The following TET2 variants were observed in gnomAD, a reference collection of about 807,000 sequenced individuals.
TET2 encodes the protein methylcytosine dioxygenase TET2.
A neutral mutation model predicts 142.9 loss-of-function variants in TET2; 299 were observed. The ratio of observed to expected loss-of-function variants is 2.09; its 90% confidence interval spans 1.90 to 2.30. TET2 has a LOEUF of 2.30. TET2 is among the 30% of genes most tolerant of loss of function. TET2 has a pLI of 0.00. For synonymous variants in TET2, 819 were observed against 849.0 expected (o/e 0.96, Z 0.61); for missense variants, 2,418 against 2,378.0 (o/e 1.02, Z -0.35).
chr4:105,251,572 G>C (rs1729871296), intron 6 of TET2, among the ~76,000 whole-genome samples: 1 of 151,990 alleles, frequency 6.6e-6, no homozygotes, highest in African/African-American at 2.4e-5. Flanking sequence ...TTATATTTCT[G>C]GAATAAATCC....
Position 105,236,313 on chromosome 4 carries a change from T to A in TET2, c.2371T>A (p.Tyr791Asn). The A allele has an allele frequency of 1.2e-6, 2 of 1,614,022 alleles. No homozygotes were observed. Among genetic ancestry groups the A allele is most frequent in the Non-Finnish European group, 1.7e-6 (2 of 1,179,998 alleles). Reference protein sequence around the residue: ...VEECFHGENQYSKSSEFETHN... With the variant: ...VEECFHGENQNSKSSEFETHN... ...AGAATGTTTTCATGGTGAAAATCAG[T>A]ATTCAAAATCAAGCGAGTTCGAGAC... Residue 791 changes from tyrosine to asparagine, a missense_variant, in exon 3 of 11, where the codon TAT becomes AAT. Physicochemically the swap from Tyr to Asn is moderately radical, Grantham distance 143. Transcript: ENST00000380013.
Position 105,234,419 on chromosome 4 carries a change from A to C in TET2, c.477A>C (p.Ala159=). The change falls in exon 3 of 11, where the codon GCA becomes GCC. Residue 159 remains alanine (A), a synonymous_variant. Coordinates refer to ENST00000380013, the MANE Select transcript of TET2 (RefSeq NM_001127208.3). The stretch of plus-strand genomic sequence containing the variant: ...TGAGTTCTGTAGCCCAAGAAAATGC[A>C]GTTAAAGATTTCACCAGTTTTTCAA... ...ESVSSVAQEN[A]VKDFTSFSTH... is the part of the protein sequence containing the mutation. 1 of 1,614,038 alleles carries C rather than the reference A, an allele frequency of 6.2e-7. No homozygotes were observed. Among genetic ancestry groups the C allele is most frequent in the Non-Finnish European group, 8.5e-7 (1 of 1,180,010 alleles).
intron 2 of TET2, among the ~76,000 whole-genome samples, chr4:105,198,036 A>T (rs1023665100): frequency 1.3e-5 from 2 of 152,174 alleles, no homozygotes; most frequent in African/African-American, 2.4e-5. Flanking sequence ...CATAGTAAGT[A>T]TTTAATAAAT....
chr4:105,247,720 T>C (rs1355188508), intron 6 of TET2, among the ~76,000 whole-genome samples: 5 of 133,648 alleles, frequency 3.7e-5, no homozygotes, highest in South Asian at 5.2e-4. Context: ...TTTTCTTTTT[T>C]TTTTTTTTTT....
chr4:105,163,761 A>T (rs117317929), intron 1 of TET2, among the ~76,000 whole-genome samples: 1 of 151,426 alleles, frequency 6.6e-6, no homozygotes, highest in East Asian at 2.0e-4. Flanking sequence ...ACTCTTAAAC[A>T]GTTGGATGCC....
At chr4:105,246,906 G>GT (rs1248546076) in intron 6 of TET2, among the ~76,000 whole-genome samples, 1 of 152,150 alleles carries the variant, frequency 6.6e-6, no homozygotes, top group Non-Finnish European at 1.5e-5. Context: ...CAAACCAGCT[G>GT]TTTCTTCTTT....
At chr4:105,213,674 G>A (rs942069089) in intron 2 of TET2, among the ~76,000 whole-genome samples, 2 of 152,160 alleles carry the variant, frequency 1.3e-5, no homozygotes, top group African/African-American at 4.8e-5. Context: ...ACTACCAAAA[G>A]CCCTTCATTT....
At chr4:105,240,963 G>A in intron 3 of TET2, 6 of 1,083,606 alleles carry the variant, frequency 5.5e-6, no homozygotes, top group Non-Finnish European at 6.8e-6. Context: ...CAAGTAATAG[G>A]TAGGCTTCCA....
At chr4:105,245,723 T>A (rs1324344327) in intron 6 of TET2, among the ~76,000 whole-genome samples, 1 of 152,112 alleles carries the variant, frequency 6.6e-6, no homozygotes, top group African/African-American at 2.4e-5. Context: ...AGAAAAAAAA[T>A]TAAAAATTAA....
At chr4:105,242,778 C>A in intron 4 of TET2, 56 bp from the exon 5 acceptor site, 1 of 1,525,188 alleles carries the variant, frequency 6.6e-7, no homozygotes, top group East Asian at 2.5e-5. Context: ...ATTTTGATTG[C>A]CTCTTGAATT....
chr4:105,234,815 GGTGA>G lies in TET2; in HGVS notation c.879_882del (p.Ser293ArgfsTer14). The G allele has an allele frequency of 6.2e-7, 1 of 1,613,976 alleles. No homozygotes were observed. The highest frequency in any genetic ancestry group is 2.2e-5 in the East Asian group (1 of 44,826). ...AGCTGCCTCCAAAGCCAGCTGCAGTGGTGAGTGAGGCCTGTGATGCTGATGATGC... is the reference window on the plus strand; with the variant it reads ...AGCTGCCTCCAAAGCCAGCTGCAGTGGTGAGGCCTGTGATGCTGATGATGC... On this transcript the variant is annotated frameshift_variant, in exon 3 of 11. Transcript: ENST00000380013. LOFTEE classifies it high-confidence loss of function.
intron 2 of TET2, among the ~76,000 whole-genome samples, chr4:105,222,129 G>C (rs1727866799): frequency 6.6e-6 from 1 of 151,922 alleles, no homozygotes; most frequent in Non-Finnish European, 1.5e-5. Context: ...GGACATTAGG[G>C]TTGGTTCCAA....
At position 105,278,399 on chromosome 4, in the gene TET2, T is replaced by TA. The variant is rs1365864165; in HGVS notation, c.*1881dup. ...TCATTTTTTTCCAAGTCCTTTTTTT[T>TA]ATTGTTAAAAAAAAAAGCATACCTT... On this transcript the variant is annotated 3_prime_UTR_variant, in exon 11 of 11. Coordinates refer to ENST00000380013, the MANE Select transcript of TET2 (RefSeq NM_001127208.3). 4 of 214,182 alleles carry TA rather than the reference T, an allele frequency of 1.9e-5. No homozygotes were observed. Among genetic ancestry groups the TA allele is most frequent in the Non-Finnish European group, 3.7e-5 (4 of 107,018 alleles). The allele number at this position is 214,182 out of a possible 1,614,324, so 13.3% of individuals were successfully genotyped here. A position where few individuals can be genotyped will look rare whatever the true frequency, so the allele number is the denominator to read the frequency against.
chr4:105,258,295 GAC>G (rs1730242537), intron 6 of TET2, among the ~76,000 whole-genome samples: 1 of 137,984 alleles, frequency 7.2e-6, no homozygotes, highest in Admixed American at 7.1e-5. Flanking sequence ...CATTTTTGCT[GAC>G]ATGTGTAAAG....
At chr4:105,263,511 T>C (rs1248072090) in intron 8 of TET2, among the ~76,000 whole-genome samples, 2 of 152,164 alleles carry the variant, frequency 1.3e-5, no homozygotes, top group Non-Finnish European at 2.9e-5. Flanking sequence ...ATACAACAAA[T>C]TTCCAGTTTG....
At chr4:105,243,067 A>G in intron 5 of TET2, 140 bp downstream of exon 5, 2 of 718,282 alleles carry the variant, frequency 2.8e-6, no homozygotes, top group Non-Finnish European at 4.8e-6. Context: ...ATCATGTGTT[A>G]TCTCTTAAGA....
At chr4:105,238,168 T>TA (rs1177412826) in intron 3 of TET2, 13 of 227,610 alleles carry the variant, frequency 5.7e-5, no homozygotes, top group African/African-American at 1.4e-4. Context: ...AATTTATTGT[T>TA]AAAAAAATGC....
At position 105,276,123 on chromosome 4, in the gene TET2, T is replaced by C. The variant is rs528609961; in HGVS notation, c.5613T>C (p.Ile1871=). The change falls in exon 11 of 11, where the codon ATT becomes ATC. Residue 1871 remains isoleucine (I), a synonymous_variant. Transcript: ENST00000380013. The part of the protein sequence containing the change: ...GVAVAPTHGS[I]LIECAKRELH... ...CCGTGGCTCCAACTCATGGGTCAAT[T>C]CTCATTGAGTGTGCAAAGCGTGAGC... 47 of 1,551,582 alleles carry C rather than the reference T, an allele frequency of 3.0e-5. No individual in the cohort carries two copies. The African/African-American group carries it at 3.3e-4, about 11-fold the overall frequency.
At chr4:105,153,678 C>G (rs1723425344) in intron 1 of TET2, among the ~76,000 whole-genome samples, 2 of 152,326 alleles carry the variant, frequency 1.3e-5, no homozygotes, top group African/African-American at 2.4e-5. Context: ...CTATACATGG[C>G]TTAGGCTTAG....
Sources: allele counts gnomAD v4.1 joint callset (sites outside exome capture counted in the v4.1 genomes callset), GRCh38; gene constraint gnomAD v4.1.1; transcripts MANE v1.5; gene names NCBI Gene and HGNC (gene_info 2026-07-23, HGNC 2026-07-21).